Variants in LRP1B observed in about 807,000 individuals in gnomAD.
LRP1B encodes the protein low-density lipoprotein receptor-related protein 1B.
A neutral mutation model predicts 556.6 loss-of-function variants in LRP1B; 217 were observed. The ratio of observed to expected loss-of-function variants is 0.39; its 90% CI spans 0.35 to 0.44. LRP1B has a LOEUF of 0.44. LRP1B is among the 20% of genes least tolerant of loss of function. The pLI, the probability that LRP1B is intolerant of heterozygous loss-of-function variation, is 1.00. For missense variants in LRP1B, 5,053 were observed against 5,620.8 expected (o/e 0.90, Z 3.23); for synonymous variants, 2,047 against 1,865.8 (o/e 1.10, Z -2.50).
chr2:141,111,014 A>G (rs1267468023), intron 7 of LRP1B, among the ~76,000 whole-genome samples: 1 of 152,210 alleles, frequency 6.6e-6, no homozygotes, highest in Non-Finnish European at 1.5e-5. Flanking sequence ...CTTTGGAAAG[A>G]AGTGAATGAA....
At chr2:140,258,601 A>T (rs529198118) in intron 86 of LRP1B, among the ~76,000 whole-genome samples, 2 of 152,274 alleles carry the variant, frequency 1.3e-5, no homozygotes, top group African/African-American at 4.8e-5. Flanking sequence ...GTCTATTGCA[A>T]TGGCTTTAAA....
rs546070309 is a variant in LRP1B, at chr2:141,688,159, TTTTC to T, written c.205+122116_205+122119del. On this transcript the variant is annotated intron_variant, in intron 2 of 90. Coordinates refer to ENST00000389484, the MANE Select transcript of LRP1B (RefSeq NM_018557.3). The stretch of plus-strand genomic sequence containing the variant: ...CTATTCCAATTTTTTTCCCTGTCAA[TTTTC>T]TTTCTGTCACACGTTTTAGTTCAAA... Among the ~76,000 whole-genome samples, 8 of 151,872 alleles carry T rather than the reference TTTTC, an allele frequency of 5.3e-5. No individual in the cohort carries two copies. In the East Asian group the frequency reaches 1.4e-3, roughly 26 times the overall value.
intron 2 of LRP1B, among the ~76,000 whole-genome samples, chr2:141,584,855 G>A (rs1687080989): frequency 6.6e-6 from 1 of 152,082 alleles, no homozygotes; most frequent in Admixed American, 6.5e-5. Flanking sequence ...AATTCATAGA[G>A]ACAGACAGTA....
intron 3 of LRP1B, among the ~76,000 whole-genome samples, chr2:141,385,238 G>T (rs1320845393): frequency 2.0e-5 from 3 of 152,096 alleles, no homozygotes; most frequent in African/African-American, 7.2e-5. Context: ...AGAGAATCAA[G>T]AGTACACTAC....
At chr2:140,595,120 A>C (rs1439170773) in intron 43 of LRP1B, among the ~76,000 whole-genome samples, 2 of 92,122 alleles carry the variant, frequency 2.2e-5, no homozygotes, top group African/African-American at 5.1e-5. Context: ...ATATATATAT[A>C]TATATATATA....
intron 7 of LRP1B, among the ~76,000 whole-genome samples, chr2:141,113,057 C>G (rs1052227002): frequency 2.9e-4 from 44 of 152,156 alleles, no homozygotes; most frequent in Admixed American, 2.0e-4. Context: ...ATCACTAGCT[C>G]TGTGGACAAA....
chr2:140,435,681 AAG>A (rs1490294209), intron 66 of LRP1B, among the ~76,000 whole-genome samples: 1 of 151,994 alleles, frequency 6.6e-6, no homozygotes, highest in Non-Finnish European at 1.5e-5. Flanking sequence ...AAAAAAAAAA[AAG>A]AAAGAAACAT....
At chr2:140,786,328 T>C (rs1573716738) in intron 32 of LRP1B, among the ~76,000 whole-genome samples, 5 of 152,220 alleles carry the variant, frequency 3.3e-5, no homozygotes, top group Non-Finnish European at 5.9e-5. Context: ...TAATTAAAAC[T>C]ATTTGGAATG....
chr2:140,435,197 G>A (rs761824351), intron 66 of LRP1B, among the ~76,000 whole-genome samples: 1 of 152,004 alleles, frequency 6.6e-6, no homozygotes, highest in African/African-American at 2.4e-5. Context: ...TCCAAAGGTA[G>A]GCCAAAAGAG....
intron 2 of LRP1B, among the ~76,000 whole-genome samples, chr2:141,690,419 ATATAT>A (rs1691479660): frequency 7.6e-6 from 1 of 131,972 alleles, no homozygotes; most frequent in Non-Finnish European, 1.6e-5. Flanking sequence ...ATATATATAT[ATATAT>A]ATATATATAT....
chr2:141,323,890 CCACA>C (rs58218723), intron 3 of LRP1B, among the ~76,000 whole-genome samples: 2,842 of 140,586 alleles, frequency 0.02, 56 homozygotes, highest in Non-Finnish European at 0.032. Context: ...AACAAGGAAA[CCACA>C]CACACACACA....
At chr2:140,913,214 T>C (rs1694475138) in intron 21 of LRP1B, among the ~76,000 whole-genome samples, 1 of 151,922 alleles carries the variant, frequency 6.6e-6, no homozygotes, top group Non-Finnish European at 1.5e-5. Flanking sequence ...TGACAAATGT[T>C]TTTTGAGTAT....
At chr2:141,260,391 CT>C (rs1684640634) in intron 3 of LRP1B, among the ~76,000 whole-genome samples, 1 of 152,030 alleles carries the variant, frequency 6.6e-6, no homozygotes, top group Non-Finnish European at 1.5e-5. Flanking sequence ...TTTAGGACAC[CT>C]TTTCACAAAT....
chr2:140,868,037 C>G (rs2105155483), intron 26 of LRP1B, 62 bp downstream of exon 26: 1 of 1,499,900 alleles, frequency 6.7e-7, no homozygotes, highest in Non-Finnish European at 8.9e-7. Context: ...AGGACACTTT[C>G]CAATGTTGTA....
chr2:141,044,538 A>G, intron 11 of LRP1B, among the ~76,000 whole-genome samples: 1 of 149,742 alleles, frequency 6.7e-6, no homozygotes, highest in East Asian at 2.0e-4. Flanking sequence ...AAGGGCTAAT[A>G]TCCAGAATCT....
chr2:141,562,289 T>C (rs1686183104), intron 2 of LRP1B, among the ~76,000 whole-genome samples: 1 of 151,916 alleles, frequency 6.6e-6, no homozygotes, highest in Non-Finnish European at 1.5e-5. Context: ...AAACCTAAGA[T>C]AACATTTCAG....
chr2:141,015,038 C>A (rs981095826), intron 13 of LRP1B, among the ~76,000 whole-genome samples: 1 of 151,886 alleles, frequency 6.6e-6, no homozygotes, highest in Non-Finnish European at 1.5e-5. Context: ...TTCTATTGTT[C>A]GACTCACAGT....
intron 2 of LRP1B, among the ~76,000 whole-genome samples, chr2:141,723,419 G>T (rs1192492825): frequency 1.3e-5 from 2 of 151,088 alleles, no homozygotes; most frequent in African/African-American, 4.8e-5. Context: ...CTCACATGTT[G>T]TACAGATGCA....
Position 141,712,708 on chromosome 2 carries a change from T to A in LRP1B, c.205+97571A>T, listed in dbSNP as rs867974592. Among the ~76,000 whole-genome samples the A allele has an allele frequency of 3.3e-5, 5 of 152,092 alleles. 1 individual carries two copies. In the South Asian group the frequency reaches 1.0e-3, roughly 31 times the overall value. ...TTTTGAGACGGAGTTTCACTCTTGT[T>A]GCCCCGGCTAGAGTACAGTGGTGTG... On this transcript the variant is annotated intron_variant, in intron 2 of 90. Coordinates refer to ENST00000389484, the MANE Select transcript of LRP1B (RefSeq NM_018557.3).
Sources: allele counts gnomAD v4.1 joint callset (sites outside exome capture counted in the v4.1 genomes callset), GRCh38; gene constraint gnomAD v4.1.1; transcripts MANE v1.5; gene names NCBI Gene and HGNC (gene_info 2026-07-23, HGNC 2026-07-21).